SRPK3: variants seen among roughly 807,000 people sequenced by gnomAD.
SRPK3 encodes the protein SRSF protein kinase 3.
Under a neutral mutation model 45.3 loss-of-function variants are expected in SRPK3, and 26 were observed. The ratio of observed to expected loss-of-function variants is 0.57; its 90% CI spans 0.42 to 0.80. SRPK3 has a LOEUF of 0.80. Among genes scored for constraint, SRPK3 ranks in the 30% least tolerant of loss-of-function variants. SRPK3 has a pLI of 0.00. For synonymous variants in SRPK3, 254 were observed against 226.6 expected (o/e 1.12, Z -1.09); for missense variants, 536 against 514.5 (o/e 1.04, Z -0.40).
Position 153,784,391 on chromosome X carries a change from G to A in SRPK3, c.1245G>A (p.Trp415Ter). The A allele has an allele frequency of 1.7e-6, 2 of 1,209,649 alleles. No individual in the cohort carries two copies. The highest frequency in any genetic ancestry group is 2.2e-6 in the Non-Finnish European group (2 of 894,387). Residue 415 changes from tryptophan (W) to a stop codon, truncating the protein, a stop_gained, in exon 11 of 15, where the codon TGG (tryptophan) becomes TGA (stop). Transcript: ENST00000370101. LOFTEE classifies it high-confidence loss of function. ...IKIADLGNACWVHKHFTEDIQ... is the reference protein window; with the variant it reads ...IKIADLGNAC ...TCGCAGACCTGGGCAACGCCTGCTG[G>A]GTGGTATGAGCAAGTGTGGGAGAGC...
intron 7 of SRPK3, 28 bp downstream of exon 7, chrX:153,783,146 C>A: frequency 8.4e-7 from 1 of 1,183,719 alleles, no homozygotes; most frequent in Non-Finnish European, 1.1e-6. Flanking sequence ...GGGGCTGGGT[C>A]GGGGCCTCTG....
At chrX:153,783,395 G>A (rs2092064417) in intron 8 of SRPK3, 144 bp downstream of exon 8, 5 of 486,612 alleles carry the variant, frequency 1.0e-5, no homozygotes, top group Admixed American at 8.7e-5. Context: ...CTGGGCTGAC[G>A]GTAATTCCCG....
Position 153,784,734 on chromosome X carries a change from C to T in SRPK3, c.1249-16C>T, listed in dbSNP as rs782727862. ...CCTTGGCCCCAGCCCGTCCCCAGGG[C>T]TCCCCTTGCTTCCAGCACAAGCACT... On this transcript the variant is annotated splice_polypyrimidine_tract_variant and intron_variant, in intron 11 of 14. Transcript: ENST00000370101. 5 of 1,210,096 alleles carry T rather than the reference C, an allele frequency of 4.1e-6. No homozygotes were observed. The highest frequency in any genetic ancestry group is 5.6e-6 in the Non-Finnish European group (5 of 894,463).
intron 11 of SRPK3, 27 bp from the exon 12 acceptor site, chrX:153,784,723 C>A (rs781882688): frequency 5.1e-6 from 6 of 1,167,421 alleles, no homozygotes; most frequent in South Asian, 1.8e-5. Context: ...GGCCCCAGCC[C>A]GTCCCCAGGG....
intron 5 of SRPK3, 23 bp from the exon 6 acceptor site, chrX:153,782,749 G>T: frequency 8.5e-7 from 1 of 1,183,284 alleles, no homozygotes; most frequent in Non-Finnish European, 1.1e-6. Flanking sequence ...GTGTCCACTG[G>T]CCGCCCTTCA....
chrX:153,782,327 G>A lies in SRPK3; in HGVS notation c.475+119G>A, dbSNP rs1029999872. On this transcript the variant is annotated intron_variant, in intron 5 of 14. Transcript: ENST00000370101. ...ATGGGCTTGCATCCCTCCCAGTAAC[G>A]GGAGCCTCTGGCACGACCCCGCCCC... is the stretch of plus-strand genomic sequence containing the variant. The A allele has an allele frequency of 5.8e-5, 35 of 602,306 alleles. No individual in the cohort carries two copies. The Middle Eastern group carries it at 1.8e-3, about 31-fold the overall frequency. 49.6% of individuals were successfully genotyped at this position (602,306 alleles called of 1,213,427 possible).
Position 153,785,143 on chromosome X carries a change from C to G in SRPK3, c.1489C>G (p.Arg497Gly). 8.3e-7 allele frequency: 1 copy of G among 1,210,422 alleles called. No homozygotes were observed. Among genetic ancestry groups the G allele is most frequent in the Non-Finnish European group, 1.1e-6 (1 of 895,164 alleles). ...CCCCCCAGCCTTCGCCCTCTCAGGCCGCTATTCCCGGGAGTTCTTCAACCG... is the reference window on the plus strand; with the variant it reads ...CCCCCCAGCCTTCGCCCTCTCAGGCGGCTATTCCCGGGAGTTCTTCAACCG... ...DIPPAFALSGRYSREFFNRRG... is the reference protein window; with the variant it reads ...DIPPAFALSGGYSREFFNRRG... The change falls in exon 14 of 15, where the codon CGC (arginine) becomes GGC (glycine). Residue 497 changes from arginine to glycine, a missense_variant. Arg to Gly is a moderately radical substitution (Grantham distance 125). Transcript: ENST00000370101.
At chrX:153,783,189 C>A (rs781903088) in intron 7 of SRPK3, 37 bp from the exon 8 acceptor site, 5 of 1,026,263 alleles carry the variant, frequency 4.9e-6, no homozygotes, top group Non-Finnish European at 1.3e-6. Flanking sequence ...TCTGTTCCTC[C>A]CTGTCCCCCC....
Position 153,784,034 on chromosome X carries a change from G to A in SRPK3, c.968G>A (p.Gly323Glu), listed in dbSNP as rs1557067966. 8.3e-7 allele frequency: 1 copy of A among 1,208,255 alleles called. No homozygotes were observed. Among genetic ancestry groups the A allele is most frequent in the Admixed American group, 2.2e-5 (1 of 45,741 alleles). Residue 323 changes from glycine to glutamate, a missense_variant, in exon 10 of 15, where the codon GGG becomes GAG. Gly to Glu is a moderately conservative substitution (Grantham distance 98). Coordinates refer to ENST00000370101, the MANE Select transcript of SRPK3 (RefSeq NM_014370.4). ...ACATCCTCTTCAGGCTGTCACCCCGGGGGCGCCAGAGCAGGTCCCTCCCCA... is the reference window on the plus strand; with the variant it reads ...ACATCCTCTTCAGGCTGTCACCCCGAGGGCGCCAGAGCAGGTCCCTCCCCA... ...GSTSSSGCHP[G>E]GARAGPSPAS... is the part of the protein sequence containing the mutation.
In SRPK3 at chrX:153,781,785, G is replaced by A. The variant is rs1557066972; in HGVS notation, c.342G>A (p.Gly114=). 1 of 1,211,764 alleles carries A rather than the reference G, an allele frequency of 8.3e-7. No homozygotes were observed. Among genetic ancestry groups the A allele is most frequent in the Admixed American group, 2.2e-5 (1 of 46,145 alleles). Residue 114 remains glycine, a synonymous_variant, in exon 4 of 15, where the codon GGG becomes GGA. Coordinates refer to ENST00000370101, the MANE Select transcript of SRPK3 (RefSeq NM_014370.4). ...CCCTCAAAGTGGTGAAGAGTGCGGG[G>A]CATTACACGGAGACAGCTGTGGATG... ...FVALKVVKSA[G]HYTETAVDEI...
intron 11 of SRPK3, 70 bp downstream of exon 11, chrX:153,784,464 G>A (rs932581025): frequency 1.8e-6 from 2 of 1,102,527 alleles, no homozygotes; most frequent in Admixed American, 2.5e-5. Context: ...GCCGCTCTTG[G>A]GGAGCCCTAC....
chrX:153,782,270 T>G, intron 5 of SRPK3, 62 bp downstream of exon 5: 1 of 1,003,564 alleles, frequency 1.0e-6, no homozygotes, highest in South Asian at 1.9e-5. Context: ...GGGGGGGCCC[T>G]CGCTGCTAGA....
At chrX:153,784,676 G>A (rs781987007) in intron 11 of SRPK3, 74 bp from the exon 12 acceptor site, 17 of 1,130,299 alleles carry the variant, frequency 1.5e-5, no homozygotes, top group Admixed American at 1.4e-4. Flanking sequence ...TAGGCGGATC[G>A]GGGTGGGGCA....
intron 8 of SRPK3, 111 bp downstream of exon 8, chrX:153,783,362 G>A: frequency 1.8e-6 from 1 of 545,195 alleles, no homozygotes; most frequent in Admixed American, 4.1e-5. Context: ...CTCCCACGGT[G>A]GTAATCCCGA....
intron 8 of SRPK3, among the ~76,000 whole-genome samples, 168 bp downstream of exon 8, chrX:153,783,419 G>A (rs2092064645): frequency 8.9e-6 from 1 of 112,568 alleles, no homozygotes; most frequent in Non-Finnish European, 1.9e-5. Context: ...GGGGTCAAGT[G>A]CCCCAAACTG....
intron 5 of SRPK3, 147 bp downstream of exon 5, chrX:153,782,355 G>C: frequency 2.1e-6 from 1 of 481,616 alleles, no homozygotes; most frequent in Admixed American, 3.6e-5. Context: ...CCCGCCCCCA[G>C]GTAACTGTGT....
intron 5 of SRPK3, among the ~76,000 whole-genome samples, 182 bp from the exon 6 acceptor site, chrX:153,782,590 C>T: frequency 8.8e-6 from 1 of 113,404 alleles, no homozygotes; most frequent in Non-Finnish European, 1.9e-5. Context: ...ACTGGCATAC[C>T]TGTTGAGACT....
chrX:153,782,695 G>T, intron 5 of SRPK3, 77 bp from the exon 6 acceptor site: 1 of 1,027,839 alleles, frequency 9.7e-7, no homozygotes, highest in Non-Finnish European at 1.3e-6. Flanking sequence ...CCCAAGCCTT[G>T]CTGCTCCCCT....
intron 5 of SRPK3, among the ~76,000 whole-genome samples, chrX:153,782,438 G>A (rs2092057843): frequency 8.8e-6 from 1 of 113,426 alleles, no homozygotes; most frequent in African/African-American, 3.2e-5. Flanking sequence ...GGCAGGTGCT[G>A]TCTCTGTGGC....
Sources: allele counts gnomAD v4.1 joint callset (sites outside exome capture counted in the v4.1 genomes callset), GRCh38; gene constraint gnomAD v4.1.1; transcripts MANE v1.5; gene names NCBI Gene and HGNC (gene_info 2026-07-23, HGNC 2026-07-21).